Variants in ENTPD1 observed in about 807,000 individuals in gnomAD.
ENTPD1 encodes the protein ATP diphosphohydrolase.
ENTPD1 carries 33 observed loss-of-function variants against 57.0 expected under a neutral mutation model. The ratio of observed to expected loss-of-function variants is 0.58; its 90% CI spans 0.44 to 0.77. ENTPD1 has a LOEUF of 0.77. Ranked by LOEUF, ENTPD1 falls within the 30% of genes least tolerant of loss-of-function variation. The probability of loss-of-function intolerance (pLI) is 0.00; values close to 1 mark genes in which losing one functional copy is unlikely to be tolerated. For missense variants in ENTPD1, 501 were observed against 603.4 expected (o/e 0.83, Z 1.78); for synonymous variants, 202 against 218.8 (o/e 0.92, Z 0.68).
intron 1 of ENTPD1, among the ~76,000 whole-genome samples, chr10:95,735,658 C>A (rs1036953146): frequency 6.6e-6 from 1 of 151,972 alleles, no homozygotes; most frequent in African/African-American, 2.4e-5. Flanking sequence ...TGCAATGGTG[C>A]GATCTCGGCT....
chr10:95,826,826 T>C (rs941871218), intron 2 of ENTPD1, among the ~76,000 whole-genome samples: 4 of 151,394 alleles, frequency 2.6e-5, no homozygotes, highest in Admixed American at 2.6e-4. Context: ...TTCAATGAAT[T>C]AGAGGAGGAT....
At chr10:95,746,240 C>G (rs2096218) in intron 1 of ENTPD1, among the ~76,000 whole-genome samples, 1 of 152,182 alleles carries the variant, frequency 6.6e-6, no homozygotes, top group Non-Finnish European at 1.5e-5. Context: ...CTCACCCTTA[C>G]TGAGTGCCAC....
At chr10:95,719,459 G>C (rs561636691) in intron 1 of ENTPD1, among the ~76,000 whole-genome samples, 1 of 152,324 alleles carries the variant, frequency 6.6e-6, no homozygotes, top group East Asian at 1.9e-4. Context: ...TGGCAGAAGC[G>C]TGTTATGCCA....
At position 95,860,575 on chromosome 10, in the gene ENTPD1, G is replaced by C. The variant is rs1354346758; in HGVS notation, c.1181G>C (p.Trp394Ser). The C allele has an allele frequency of 2.5e-6, 4 of 1,613,416 alleles. No individual in the cohort carries two copies. The highest frequency in any genetic ancestry group is 3.4e-6 in the Non-Finnish European group (4 of 1,179,528). Residue 394 changes from tryptophan (W) to serine (S), a missense_variant, in exon 8 of 10, where the codon TGG becomes TCG. Coordinates refer to ENST00000371205, the MANE Select transcript of ENTPD1 (RefSeq NM_001776.6). Reference sequence around the variant, plus strand: ...ATGAAAAAGTTCTGTGCTCAGCCTTGGGAGGAGGTAAGTGACTAGGCACAG... The same window carrying C: ...ATGAAAAAGTTCTGTGCTCAGCCTTCGGAGGAGGTAAGTGACTAGGCACAG... ...EMMKKFCAQP[W>S]EEIKTSYAGV...
At chr10:95,792,123 G>A (rs1397961580) in intron 1 of ENTPD1, among the ~76,000 whole-genome samples, 1 of 152,078 alleles carries the variant, frequency 6.6e-6, no homozygotes, top group African/African-American at 2.4e-5. Flanking sequence ...GGAGAAGAGA[G>A]CGTGGCTGAA....
intron 1 of ENTPD1, among the ~76,000 whole-genome samples, chr10:95,728,460 C>T (rs895540505): frequency 6.6e-6 from 1 of 152,100 alleles, no homozygotes; most frequent in African/African-American, 2.4e-5. Context: ...AGCCGCAAAC[C>T]TCAATTTATG....
rs763759894 is a variant in ENTPD1 at position 95,867,128 on chromosome 10, G to A, written c.*745G>A. 139 of 985,318 alleles carry A rather than the reference G, an allele frequency of 1.4e-4. No individual in the cohort carries two copies. Among genetic ancestry groups the A allele is most frequent in the Non-Finnish European group, 1.7e-4 (137 of 830,048 alleles). 61.0% of individuals were successfully genotyped at this position (985,318 alleles called of 1,614,324 possible). A position where few individuals can be genotyped will look rare whatever the true frequency, so the allele number is the denominator to read the frequency against. On this transcript the variant is annotated 3_prime_UTR_variant, in exon 10 of 10. Transcript: ENST00000371205. ...CATCAGGGCTTACTATGAGGTAGGT[G>A]GTATATACATGTCACAAATAAAAAT...
chr10:95,773,901 G>A (rs1380991458), intron 1 of ENTPD1, among the ~76,000 whole-genome samples: 6 of 152,130 alleles, frequency 3.9e-5, no homozygotes, highest in African/African-American at 1.4e-4. Flanking sequence ...TCCTTGAGGA[G>A]TTGCCACACT....
chr10:95,735,176 T>C (rs10882658), intron 1 of ENTPD1, among the ~76,000 whole-genome samples: 125,430 of 151,966 alleles, frequency 0.83, 52,411 homozygotes, highest in African/African-American at 0.92. Context: ...GGACTACAGG[T>C]GTGTGCCACC....
At chr10:95,699,400 A>T in the ENTPD1 span, among the ~76,000 whole-genome samples, 1 of 152,158 alleles carries the variant, frequency 6.6e-6, no homozygotes, top group Non-Finnish European at 1.5e-5. Flanking sequence ...GCCTAAGTTC[A>T]GGAGTTAAAG....
In ENTPD1 at chr10:95,839,780, G is replaced by A; in HGVS notation, c.234G>A (p.Val78=). Residue 78 remains valine (V), a synonymous_variant, in exon 3 of 10, where the codon GTG becomes GTA. Coordinates refer to ENST00000371205, the MANE Select transcript of ENTPD1 (RefSeq NM_001776.6). ...AAAAGGAGAATGACACAGGCGTGGT[G>A]CATCAAGTAGAAGAATGCAGGGTTA... is the stretch of plus-strand genomic sequence containing the variant. The part of the protein sequence containing the change: ...PAEKENDTGV[V]HQVEECRVKG... The A allele has an allele frequency of 6.2e-7, 1 of 1,613,972 alleles. No homozygotes were observed.
rs1017925049 is a variant in ENTPD1 at position 95,712,902 on chromosome 10, C to T, written c.37+909C>T. On this transcript the variant is annotated intron_variant, in intron 1 of 9. Coordinates refer to the ENTPD1 transcript ENST00000453258. ...ACAAAAAATTAGCCGGGTGTGGTGG[C>T]GGACGCCTGTAGTCCCAACTACTCG... Among the ~76,000 whole-genome samples the T allele has an allele frequency of 2.6e-5, 4 of 152,034 alleles. No individual in the cohort carries two copies. The East Asian group carries it at 5.8e-4, about 22-fold the overall frequency.
At chr10:95,755,019 A>G (rs1306836430), upstream of ENTPD1, 2 of 152,262 alleles carry the variant, frequency 1.3e-5, no homozygotes, top group Admixed American at 6.5e-5. Flanking sequence ...CTTTAGATAC[A>G]AATTTACATG....
chr10:95,719,769 T>C (rs1289948021), intron 1 of ENTPD1, among the ~76,000 whole-genome samples: 1 of 152,226 alleles, frequency 6.6e-6, no homozygotes, highest in Non-Finnish European at 1.5e-5. Flanking sequence ...CTTGGGCTAA[T>C]GCTTGGCCAA....
At chr10:95,787,007 A>G (rs374117086) in intron 1 of ENTPD1, among the ~76,000 whole-genome samples, 18 of 152,318 alleles carry the variant, frequency 1.2e-4, no homozygotes, top group African/African-American at 4.3e-4. Flanking sequence ...CAAGGTAGAA[A>G]AGGTGACTTA....
intron 1 of ENTPD1, among the ~76,000 whole-genome samples, chr10:95,760,181 A>T (rs1186642314): frequency 6.6e-6 from 1 of 152,216 alleles, no homozygotes; most frequent in East Asian, 1.9e-4. Flanking sequence ...AAATAAAAAT[A>T]AAAAATAATA....
upstream of ENTPD1, chr10:95,755,778 C>T (rs375764499): frequency 6.4e-4 from 983 of 1,533,528 alleles, 11 homozygotes; most frequent in South Asian, 8.1e-3. Context: ...TAACAACTTT[C>T]TTATTATCTA....
At chr10:95,720,247 TA>T (rs1762483905) in intron 1 of ENTPD1, among the ~76,000 whole-genome samples, 1 of 152,098 alleles carries the variant, frequency 6.6e-6, no homozygotes, top group South Asian at 2.1e-4. Context: ...TGCTCGTCCA[TA>T]TTGTCCGTCT....
At chr10:95,801,210 C>G (rs1315446850) in intron 1 of ENTPD1, among the ~76,000 whole-genome samples, 2 of 152,146 alleles carry the variant, frequency 1.3e-5, no homozygotes, top group African/African-American at 4.8e-5. Context: ...CCATTAGATA[C>G]CATTTGTCAA....
Sources: gnomAD v4.1 joint callset for allele counts (sites outside exome capture counted in the v4.1 genomes callset) on GRCh38, gnomAD v4.1.1 for gene constraint, MANE v1.5 for transcripts, NCBI Gene and HGNC (gene_info 2026-07-23, HGNC 2026-07-21) for gene names.